Variants in WDR89 observed in about 807,000 individuals in gnomAD.
WDR89 encodes WD repeat-containing protein 89.
In WDR89, 17 loss-of-function variants were observed where a neutral mutation model predicts 29.1. The observed-to-expected ratio is 0.58, with a 90% confidence interval of 0.40 to 0.88. The LOEUF (loss-of-function observed/expected upper bound fraction) is 0.88. Among genes scored for constraint, WDR89 ranks in the 40% least tolerant of loss-of-function variants. WDR89 has a pLI of 0.00. For missense variants in WDR89, 396 were observed against 456.3 expected (o/e 0.87, Z 1.20); for synonymous variants, 138 against 157.8 (o/e 0.87, Z 0.94).
intron 1 of WDR89, among the ~76,000 whole-genome samples, chr14:63,635,542 AAAGCATTCCCTCTGAGAACTGG>A (rs1465456867): frequency 6.6e-6 from 1 of 152,228 alleles, no homozygotes; most frequent in African/African-American, 2.4e-5. Context: ...GGAAAAGCTG[AAAGCATTCCCTCTGAGAACTGG>A]AACAAGACAA....
intron 2 of WDR89, among the ~76,000 whole-genome samples, chr14:63,614,734 A>G (rs912926716): frequency 1.3e-5 from 2 of 152,244 alleles, no homozygotes; most frequent in African/African-American, 4.8e-5. Flanking sequence ...ACACAGAATT[A>G]GCTCTAAGAC....
At chr14:63,614,811 A>G (rs1298856238) in intron 2 of WDR89, among the ~76,000 whole-genome samples, 1 of 152,230 alleles carries the variant, frequency 6.6e-6, no homozygotes, top group African/African-American at 2.4e-5. Flanking sequence ...AAGGTATGCT[A>G]AACTGACATC....
chr14:63,623,942 G>A (rs996368081), intron 2 of WDR89, among the ~76,000 whole-genome samples: 3 of 151,826 alleles, frequency 2.0e-5, no homozygotes, highest in Admixed American at 6.6e-5. Context: ...TAAAAAGAAA[G>A]CTGCAATGTT....
At chr14:63,604,462 A>G (rs1435276262) in intron 2 of WDR89, among the ~76,000 whole-genome samples, 1 of 149,650 alleles carries the variant, frequency 6.7e-6, no homozygotes, top group African/African-American at 2.6e-5. Context: ...AAGTATTTCA[A>G]ATGTACAAAG....
At chr14:63,631,744 G>A (rs918312603) in intron 1 of WDR89, among the ~76,000 whole-genome samples, 2 of 152,100 alleles carry the variant, frequency 1.3e-5, no homozygotes, top group Non-Finnish European at 2.9e-5. Context: ...CGATTTGGAA[G>A]CACGGGGGAG....
chr14:63,605,238 ACACACG>A (rs1895267913), intron 2 of WDR89, among the ~76,000 whole-genome samples: 1 of 150,216 alleles, frequency 6.7e-6, no homozygotes. Flanking sequence ...ACACACACAC[ACACACG>A]AGCTGGGAAA....
intron 2 of WDR89, among the ~76,000 whole-genome samples, chr14:63,616,522 A>T (rs2139527339): frequency 6.6e-6 from 1 of 152,332 alleles, no homozygotes; most frequent in East Asian, 1.9e-4. Context: ...TCATTAAAGG[A>T]AACTTCCCCC....
intron 1 of WDR89, among the ~76,000 whole-genome samples, chr14:63,640,130 T>G (rs1205986279): frequency 6.6e-6 from 1 of 152,216 alleles, no homozygotes; most frequent in Non-Finnish European, 1.5e-5. Context: ...AACAAGGAGA[T>G]AAGCAGTCCA....
chr14:63,601,569 G>A, intron 2 of WDR89: 1 of 1,601,716 alleles, frequency 6.2e-7, no homozygotes, highest in Non-Finnish European at 8.6e-7. Flanking sequence ...TGAAAGGAGT[G>A]CTGTTGAAAC....
In WDR89 at chr14:63,601,861, C is replaced by T. The variant is rs1486535167; in HGVS notation, c.-31-1888G>A. 4 of 704,710 alleles carry T rather than the reference C, an allele frequency of 5.7e-6. No individual in the cohort carries two copies. The East Asian group carries it at 7.6e-5, about 13-fold the overall frequency. 43.7% of individuals were successfully genotyped at this position (704,710 alleles called of 1,614,324 possible). ...CATCAACATGAAGCTGCCCATTCCACCGAAGTTCTGAAATCTTTCATCATG... is the reference window on the plus strand; with the variant it reads ...CATCAACATGAAGCTGCCCATTCCATCGAAGTTCTGAAATCTTTCATCATG... On this transcript the variant is annotated intron_variant, in intron 2 of 2. Transcript: ENST00000620954.
At position 63,599,473 on chromosome 14, in the gene WDR89, G is replaced by T; in HGVS notation, c.470C>A (p.Thr157Lys). The change falls in exon 3 of 3, where the codon ACA becomes AAA. Residue 157 changes from threonine to lysine, a missense_variant. Coordinates refer to ENST00000620954, the MANE Select transcript of WDR89 (RefSeq NM_080666.4). ...DARMNSQNLS[T>K]TKDSLGAYSE... ...ATATGCACCAAGTGAGTCTTTAGTT[G>T]TAGATAAATTCTGAGAATTCATCCT... is the stretch of plus-strand genomic sequence containing the variant. 1 of 1,614,130 alleles carries T rather than the reference G, an allele frequency of 6.2e-7. No homozygotes were observed. The highest frequency in any genetic ancestry group is 8.5e-7 in the Non-Finnish European group (1 of 1,180,024).
At chr14:63,616,568 G>T (rs1882318245) in intron 2 of WDR89, among the ~76,000 whole-genome samples, 1 of 152,316 alleles carries the variant, frequency 6.6e-6, no homozygotes. Context: ...AGGACAAAAT[G>T]AGGGAGGCAA....
chr14:63,617,583 C>A (rs1426804370), intron 2 of WDR89, among the ~76,000 whole-genome samples: 1 of 152,052 alleles, frequency 6.6e-6, no homozygotes, highest in Non-Finnish European at 1.5e-5. Flanking sequence ...CTCCCAGGTT[C>A]AAGCGATACT....
intron 2 of WDR89, among the ~76,000 whole-genome samples, chr14:63,611,661 C>T (rs1289239757): frequency 6.6e-6 from 1 of 151,874 alleles, no homozygotes; most frequent in African/African-American, 2.4e-5. Context: ...GAACTCTGTA[C>T]TATTTTTGCA....
chr14:63,601,396 C>A (rs1595014618), intron 2 of WDR89: 2 of 662,154 alleles, frequency 3.0e-6, no homozygotes, highest in East Asian at 5.5e-5. Context: ...ATTGCCTCTC[C>A]AGGGTGGGCT....
At chr14:63,610,469 T>C (rs1489739786) in intron 2 of WDR89, among the ~76,000 whole-genome samples, 2 of 151,620 alleles carry the variant, frequency 1.3e-5, no homozygotes, top group African/African-American at 2.4e-5. Flanking sequence ...AAGAATAGAG[T>C]ACAGAAAAGG....
At chr14:63,624,056 A>G (rs1882881660) in intron 2 of WDR89, among the ~76,000 whole-genome samples, 1 of 152,214 alleles carries the variant, frequency 6.6e-6, no homozygotes, top group Non-Finnish European at 1.5e-5. Flanking sequence ...ATAAGAGAAA[A>G]AAGGGAATCT....
chr14:63,616,262 A>G (rs540879513), intron 2 of WDR89, among the ~76,000 whole-genome samples: 177 of 152,222 alleles, frequency 1.2e-3, no homozygotes, highest in African/African-American at 4.2e-3. Context: ...ACTCTGTCTC[A>G]ATACCAAAAC....
At chr14:63,602,622 A>G (rs1358257255) in intron 2 of WDR89, among the ~76,000 whole-genome samples, 2 of 151,350 alleles carry the variant, frequency 1.3e-5, no homozygotes, top group Non-Finnish European at 2.9e-5. Context: ...AAAATACAAA[A>G]TTAGCCAGGC....
Sources: allele counts gnomAD v4.1 joint callset (sites outside exome capture counted in the v4.1 genomes callset), GRCh38; gene constraint gnomAD v4.1.1; transcripts MANE v1.5; gene names NCBI Gene and HGNC (gene_info 2026-07-23, HGNC 2026-07-21).